Variants in UPF2 observed in about 807,000 individuals in gnomAD.
UPF2 encodes regulator of nonsense transcripts 2.
In UPF2, 17 loss-of-function variants were observed where a neutral mutation model predicts 141.4. That is an observed-to-expected ratio of 0.12 (90% confidence interval 0.08 to 0.18). The LOEUF (loss-of-function observed/expected upper bound fraction) is 0.18. Ranked by LOEUF, UPF2 falls within the 10% of genes least tolerant of loss-of-function variation. UPF2 has a pLI of 1.00. For synonymous variants in UPF2, 540 were observed against 498.0 expected, an observed-to-expected ratio of 1.08 and a Z score of -1.12; for missense variants, 1,152 against 1,515.9, an observed-to-expected ratio of 0.76 and a Z score of 3.99.
rs1834062586 is a variant in UPF2, at chr10:12,007,928, T to G, written c.1307-3201A>C. On this transcript the variant is annotated intron_variant, in intron 4 of 21. Coordinates refer to ENST00000357604, the MANE Select transcript of UPF2 (RefSeq NM_015542.4). Reference sequence around the variant, plus strand: ...CTCTCTGACATGGAGTCTCGCTCTGTCACCCAGGCTGGAGTGCAATCTCAG... The same window carrying G: ...CTCTCTGACATGGAGTCTCGCTCTGGCACCCAGGCTGGAGTGCAATCTCAG... Among the ~76,000 whole-genome samples the G allele has an allele frequency of 2.6e-5, 4 of 151,446 alleles. No individual in the cohort carries two copies. In the South Asian group the frequency reaches 8.3e-4, roughly 32 times the overall value.
intron 11 of UPF2, among the ~76,000 whole-genome samples, chr10:11,963,312 A>G (rs574037278): frequency 5.3e-4 from 80 of 152,080 alleles, no homozygotes; most frequent in Non-Finnish European, 9.9e-4. Flanking sequence ...CATCCCTCCT[A>G]TCTAGCTGTG....
In UPF2 at chr10:11,939,660, G is replaced by A. The variant is rs558099861; in HGVS notation, c.3379-2948C>T. 3.9e-5 allele frequency among the ~76,000 whole-genome samples: 6 copies of A among 151,968 alleles called. No homozygotes were observed. The highest frequency in any genetic ancestry group is 1.9e-4 in the East Asian group (1 of 5,152). The stretch of plus-strand genomic sequence containing the variant: ...CTCCTGAGTAGCTGGGATTACAGGC[G>A]CCTGCCACCATGCCTGGCTAATTTT... On this transcript the variant is annotated intron_variant, in intron 18 of 21. Transcript: ENST00000357604. The surrounding 1 kb of genome is among the most constrained non-coding windows in gnomAD (Gnocchi z 4.8).
chr10:12,024,211 A>G (rs1834368313), intron 3 of UPF2, among the ~76,000 whole-genome samples: 1 of 151,948 alleles, frequency 6.6e-6, no homozygotes, highest in Admixed American at 6.6e-5. Context: ...TAAACCCAGA[A>G]GTTTGGGAGG....
At chr10:11,975,965 C>T (rs532624865) in intron 9 of UPF2, among the ~76,000 whole-genome samples, 1 of 152,120 alleles carries the variant, frequency 6.6e-6, no homozygotes, top group Non-Finnish European at 1.5e-5. Context: ...TTTTTTGGTA[C>T]ATAGATTTGT....
chr10:11,954,742 G>C (rs1011588012), intron 14 of UPF2, among the ~76,000 whole-genome samples: 1 of 149,142 alleles, frequency 6.7e-6, no homozygotes, highest in Non-Finnish European at 1.5e-5. Context: ...TTGGGAGGCT[G>C]ACGCGGGAGG....
chr10:11,930,112 G>C lies in UPF2; in HGVS notation c.3689-127C>G, dbSNP rs1361176551. The C allele has an allele frequency of 2.0e-5, 26 of 1,323,728 alleles. No homozygotes were observed. In the East Asian group the frequency reaches 5.2e-4, roughly 26 times the overall value. The allele number at this position is 1,323,728 out of a possible 1,614,324, so 82.0% of individuals were successfully genotyped here. A position where few individuals can be genotyped will look rare whatever the true frequency, so the allele number is the denominator to read the frequency against. On this transcript the variant is annotated intron_variant, in intron 20 of 21. Coordinates refer to ENST00000357604, the MANE Select transcript of UPF2 (RefSeq NM_015542.4). ...TCAGGGAGCTGACTAAAGAAAAATA[G>C]CCATTATACAGACTAAAATGATTAA... is the stretch of plus-strand genomic sequence containing the variant.
chr10:11,928,767 CA>C, intron 21 of UPF2: 2 of 306,962 alleles, frequency 6.5e-6, no homozygotes, highest in South Asian at 5.4e-5. Flanking sequence ...TCTTCATTTT[CA>C]AATTCTTTAT....
At chr10:11,968,794 C>A (rs1477328372) in intron 9 of UPF2, among the ~76,000 whole-genome samples, 2 of 152,164 alleles carry the variant, frequency 1.3e-5, no homozygotes, top group Non-Finnish European at 2.9e-5. Flanking sequence ...GAAAACCAAA[C>A]CTACAGTCTA....
Position 12,016,661 on chromosome 10 carries a change from TC to T in UPF2, c.1146-2478del, listed in dbSNP as rs1834225949. 2.0e-5 allele frequency among the ~76,000 whole-genome samples: 3 copies of T among 150,524 alleles called. No individual in the cohort carries two copies. Among genetic ancestry groups the T allele is most frequent in the African/African-American group, 7.3e-5 (3 of 40,914 alleles). On this transcript the variant is annotated intron_variant, in intron 3 of 21. Transcript: ENST00000357604. The surrounding 1 kb of genome is among the most constrained non-coding windows in gnomAD (Gnocchi z 4.1). Reference sequence around the variant, plus strand: ...GTGAGCCAAGATTGCACCACTGTACTCCAGCCTGGGCGACAGAGCAAGACTG... The same window carrying T: ...GTGAGCCAAGATTGCACCACTGTACTCAGCCTGGGCGACAGAGCAAGACTG...
chr10:11,952,083 T>C lies in UPF2; in HGVS notation c.3017A>G (p.Glu1006Gly). The C allele has an allele frequency of 6.2e-7, 1 of 1,613,844 alleles. No homozygotes were observed. Among genetic ancestry groups the C allele is most frequent in the Non-Finnish European group, 8.5e-7 (1 of 1,179,876 alleles). ...SIRQVQDLEREFLIKLGLVND... is the reference protein window; with the variant it reads ...SIRQVQDLERGFLIKLGLVND... ...TTGCTTACCTAGTTTTATTAAGAAT[T>C]CTCGTTCCAAGTCTTGTACCTGCCT... Residue 1006 changes from glutamate (E) to glycine (G), a missense_variant, in exon 15 of 22, where the codon GAA becomes GGA. Physicochemically the swap from Glu to Gly is moderately conservative, Grantham distance 98 (BLOSUM62 -2). Around this residue, in one of 4 missense-constraint regions of UPF2, gnomAD observed 202 missense variants for 223.6 expected, o/e 0.90. Coordinates refer to ENST00000357604, the MANE Select transcript of UPF2 (RefSeq NM_015542.4).
Position 12,019,659 on chromosome 10 carries a change from T to C in UPF2, c.1146-5475A>G, listed in dbSNP as rs897239078. 7.4e-4 allele frequency among the ~76,000 whole-genome samples: 112 copies of C among 152,332 alleles called. No homozygotes were observed. The highest frequency in any genetic ancestry group is 2.6e-3 in the African/African-American group (108 of 41,580). ...AAAAATTGCCTTCCTTTCGGCAACATACGTGAGACATCACTGTCCAGAAGA... is the reference window on the plus strand; with the variant it reads ...AAAAATTGCCTTCCTTTCGGCAACACACGTGAGACATCACTGTCCAGAAGA... On this transcript the variant is annotated intron_variant, in intron 3 of 21. Transcript: ENST00000357604. This position sits in a 1 kb window ranked among gnomAD's most constrained non-coding sequence, Gnocchi z 4.5.
chr10:11,982,234 G>A (rs1375071472), intron 8 of UPF2, among the ~76,000 whole-genome samples: 2 of 152,168 alleles, frequency 1.3e-5, no homozygotes, highest in East Asian at 1.9e-4. Flanking sequence ...TCTATGCGGA[G>A]GTTCTTTTGC....
At chr10:12,000,422 T>C (rs1438847844) in intron 6 of UPF2, among the ~76,000 whole-genome samples, 2 of 152,118 alleles carry the variant, frequency 1.3e-5, no homozygotes, top group Non-Finnish European at 2.9e-5. Context: ...AGAGAAAGAA[T>C]CTGCAGTAAG....
At chr10:11,966,728 A>G (rs1278442134) in intron 10 of UPF2, among the ~76,000 whole-genome samples, 1 of 152,140 alleles carries the variant, frequency 6.6e-6, no homozygotes, top group African/African-American at 2.4e-5. Context: ...CCAGCCCTTC[A>G]TTTCTAATAA....
chr10:11,942,883 A>G (rs1403751205), intron 17 of UPF2, 120 bp from the exon 18 acceptor site: 78 of 921,344 alleles, frequency 8.5e-5, no homozygotes, highest in Non-Finnish European at 8.6e-5. Flanking sequence ...TGAGTAAAAT[A>G]TCTAACATTA....
At chr10:12,011,899 C>A (rs1024657871) in intron 4 of UPF2, among the ~76,000 whole-genome samples, 1 of 151,326 alleles carries the variant, frequency 6.6e-6, no homozygotes. Flanking sequence ...GAGCCGAGAT[C>A]GCGCCTTTGC....
chr10:11,981,092 G>A (rs1833584364), intron 8 of UPF2, among the ~76,000 whole-genome samples: 1 of 152,176 alleles, frequency 6.6e-6, no homozygotes, highest in Non-Finnish European at 1.5e-5. Flanking sequence ...GGGCCTGGGA[G>A]GTGGAGGTTG....
chr10:11,925,062 G>C (rs958048454), intron 21 of UPF2, among the ~76,000 whole-genome samples: 1 of 151,990 alleles, frequency 6.6e-6, no homozygotes, highest in South Asian at 2.1e-4. Flanking sequence ...CAGGTGATCT[G>C]CCTTCCTCGG....
intron 12 of UPF2, among the ~76,000 whole-genome samples, chr10:11,957,572 G>GT (rs1363558650): frequency 6.6e-6 from 1 of 151,996 alleles, no homozygotes; most frequent in Admixed American, 6.5e-5. Flanking sequence ...CTGGAGTGCA[G>GT]TGGCATGATC....
Sources: allele counts gnomAD v4.1 joint callset (sites outside exome capture counted in the v4.1 genomes callset), GRCh38; gene constraint gnomAD v4.1.1; regional missense constraint gnomAD v4.1.1; non-coding constraint Gnocchi (gnomAD v3.1); transcripts MANE v1.5; gene names NCBI Gene and HGNC (gene_info 2026-07-23, HGNC 2026-07-21).